The following FGFR1 variants were observed in gnomAD, a reference collection of about 807,000 sequenced individuals.
FGFR1 encodes the protein fibroblast growth factor receptor 1.
A neutral mutation model predicts 93.7 loss-of-function variants in FGFR1; 18 were observed. The ratio of observed to expected loss-of-function variants is 0.19; its 90% confidence interval spans 0.13 to 0.28. The LOEUF is 0.28. Ranked by LOEUF, FGFR1 falls within the 10% of genes least tolerant of loss-of-function variation. FGFR1 has a pLI of 1.00. For missense variants in FGFR1, 731 were observed against 1,080.4 expected (o/e 0.68, Z 4.53); for synonymous variants, 448 against 429.3 (o/e 1.04, Z -0.54).
intron 1 of FGFR1, among the ~76,000 whole-genome samples, chr8:38,463,672 T>C (rs1247663604): frequency 2.0e-5 from 3 of 152,156 alleles, no homozygotes; most frequent in Non-Finnish European, 2.9e-5. Flanking sequence ...AAAAAGAGGC[T>C]GAGAATATCA....
intron 2 of FGFR1, among the ~76,000 whole-genome samples, chr8:38,450,093 G>T (rs1830566313): frequency 6.6e-6 from 1 of 152,210 alleles, no homozygotes; most frequent in Non-Finnish European, 1.5e-5. Context: ...CTCCTAGGAG[G>T]AAACAGTTTG....
At chr8:38,466,891 C>A (rs1420479062) in intron 1 of FGFR1, among the ~76,000 whole-genome samples, 1 of 20,670 alleles carries the variant, frequency 4.8e-5, no homozygotes, top group Non-Finnish European at 1.3e-4. Context: ...AGGCTTCACA[C>A]CCCACCCCCC....
At chr8:38,420,897 G>C (rs1459516984) in intron 8 of FGFR1, among the ~76,000 whole-genome samples, 2 of 152,190 alleles carry the variant, frequency 1.3e-5, no homozygotes, top group South Asian at 2.1e-4. Flanking sequence ...CTGATGTTGA[G>C]GAACGAAGAC....
chr8:38,458,646 C>T (rs946101416), intron 1 of FGFR1, among the ~76,000 whole-genome samples: 2 of 152,144 alleles, frequency 1.3e-5, no homozygotes, highest in East Asian at 1.9e-4. Context: ...AAGCTAAGGA[C>T]CAGTAAATGG....
At chr8:38,447,044 G>A (rs1829513168) in intron 2 of FGFR1, among the ~76,000 whole-genome samples, 1 of 151,222 alleles carries the variant, frequency 6.6e-6, no homozygotes, top group Admixed American at 6.6e-5. Context: ...TCACAGACCT[G>A]TGACTGATGT....
intron 2 of FGFR1, among the ~76,000 whole-genome samples, chr8:38,456,763 G>A (rs1390809519): frequency 1.3e-5 from 2 of 152,110 alleles, no homozygotes; most frequent in Non-Finnish European, 2.9e-5. Context: ...TAGAGATGGG[G>A]TCTCGCTATA....
At chr8:38,459,920 A>C (rs1833947259) in intron 1 of FGFR1, among the ~76,000 whole-genome samples, 1 of 152,192 alleles carries the variant, frequency 6.6e-6, no homozygotes, top group Non-Finnish European at 1.5e-5. Context: ...ATGTTGGCTC[A>C]TACCTACAAT....
intron 2 of FGFR1, among the ~76,000 whole-genome samples, chr8:38,443,394 C>T (rs1828188627): frequency 6.6e-6 from 1 of 151,354 alleles, no homozygotes; most frequent in Admixed American, 6.6e-5. Context: ...CACAGTGGCT[C>T]ACATCTCTTA....
intron 2 of FGFR1, among the ~76,000 whole-genome samples, chr8:38,450,251 G>T (rs933152407): frequency 1.3e-5 from 2 of 152,180 alleles, no homozygotes; most frequent in Admixed American, 6.5e-5. Context: ...CAGGAGGAAG[G>T]CCTGGGCCGC....
intron 2 of FGFR1, among the ~76,000 whole-genome samples, chr8:38,444,385 G>A (rs921715127): frequency 9.4e-5 from 13 of 138,102 alleles, no homozygotes; most frequent in African/African-American, 3.4e-4. Flanking sequence ...AACATGGTTC[G>A]GGTTTTTTTT....
chr8:38,420,750 C>T lies in FGFR1; in HGVS notation c.1082-1015G>A, dbSNP rs192455146. ...AAAACCCACCAGCCAACCATGGAGG[C>T]GGCGCCCCTGGGAACCTTCCCAGAG... On this transcript the variant is annotated intron_variant, in intron 8 of 17. Transcript: ENST00000447712. Among the ~76,000 whole-genome samples, 146 of 152,264 alleles carry T rather than the reference C, an allele frequency of 9.6e-4. No individual in the cohort carries two copies. The Middle Eastern group carries it at 0.014, about 14-fold the overall frequency.
intron 2 of FGFR1, among the ~76,000 whole-genome samples, chr8:38,443,120 G>C (rs535035999): frequency 3.3e-5 from 5 of 152,198 alleles, no homozygotes; most frequent in Non-Finnish European, 5.9e-5. Context: ...AGTTAGCGTT[G>C]AACAGGTAAG....
At chr8:38,456,008 T>C (rs1303448367) in intron 2 of FGFR1, among the ~76,000 whole-genome samples, 1 of 152,186 alleles carries the variant, frequency 6.6e-6, no homozygotes, top group African/African-American at 2.4e-5. Flanking sequence ...GACAGCAACA[T>C]GAATATGCCT....
Position 38,413,267 on chromosome 8 carries a change from C to A in FGFR1, c.*361G>T. The stretch of plus-strand genomic sequence containing the variant: ...GCTTATGGGTGAAGGCAAAACAGAC[C>A]AAACCGACAGGAGAAAGCTCAGGAA... On this transcript the variant is annotated 3_prime_UTR_variant, in exon 18 of 18. Transcript: ENST00000447712. This position sits in a 1 kb window ranked among gnomAD's most constrained non-coding sequence, Gnocchi z 4.2. The A allele has an allele frequency of 2.7e-6, 1 of 370,436 alleles. No individual in the cohort carries two copies. The highest frequency in any genetic ancestry group is 4.9e-6 in the Non-Finnish European group (1 of 202,470). The allele number at this position is 370,436 out of a possible 1,614,324, so 22.9% of individuals were successfully genotyped here.
At chr8:38,434,354 C>G (rs1824439960) in intron 2 of FGFR1, 1 of 237,140 alleles carries the variant, frequency 4.2e-6, no homozygotes, top group South Asian at 7.6e-5. Flanking sequence ...TTTATAACAA[C>G]CGCTAATCAG....
rs1252738104 is a variant in FGFR1 at position 38,426,592 on chromosome 8, T to C, written c.622-347A>G. On this transcript the variant is annotated intron_variant, in intron 5 of 17. Coordinates refer to ENST00000447712, the MANE Select transcript of FGFR1 (RefSeq NM_023110.3). This position sits in a 1 kb window ranked among gnomAD's most constrained non-coding sequence, Gnocchi z 4.1. ...CTAAGAATCCAGCCCCCACTGTCCTTGACAGCTCATTTCAAAAACCATCTC... is the reference window on the plus strand; with the variant it reads ...CTAAGAATCCAGCCCCCACTGTCCTCGACAGCTCATTTCAAAAACCATCTC... Among the ~76,000 whole-genome samples the C allele has an allele frequency of 6.6e-6, 1 of 152,222 alleles. No homozygotes were observed. Among genetic ancestry groups the C allele is most frequent in the African/African-American group, 2.4e-5 (1 of 41,466 alleles).
intron 1 of FGFR1, among the ~76,000 whole-genome samples, chr8:38,462,012 A>T (rs992429455): frequency 3.9e-5 from 6 of 152,212 alleles, no homozygotes; most frequent in South Asian, 2.1e-4. Flanking sequence ...TGGCCCACAC[A>T]GTGGCCACTG....
intron 2 of FGFR1, among the ~76,000 whole-genome samples, chr8:38,432,921 C>G (rs560238095): frequency 6.8e-6 from 1 of 146,214 alleles, no homozygotes; most frequent in Non-Finnish European, 1.5e-5. Flanking sequence ...CCCCCCCCTC[C>G]CCAGTTGGGA....
In FGFR1 at chr8:38,413,068, C is replaced by T. The variant is rs983159569; in HGVS notation, c.*560G>A. 8.4e-6 allele frequency: 2 copies of T among 238,292 alleles called. No homozygotes were observed. The highest frequency in any genetic ancestry group is 5.3e-5 in the Admixed American group (1 of 18,732). 14.8% of individuals were successfully genotyped at this position (238,292 alleles called of 1,614,324 possible). A position where few individuals can be genotyped will look rare whatever the true frequency, so the allele number is the denominator to read the frequency against. On this transcript the variant is annotated 3_prime_UTR_variant, in exon 18 of 18. Coordinates refer to ENST00000447712, the MANE Select transcript of FGFR1 (RefSeq NM_023110.3). The surrounding 1 kb of genome is among the most constrained non-coding windows in gnomAD (Gnocchi z 4.2). Reference sequence around the variant, plus strand: ...ACACTGCCCCCAACCTGGCCTTCGCCTCACCATCCTCTGGTACCAGGCATT... The same window carrying T: ...ACACTGCCCCCAACCTGGCCTTCGCTTCACCATCCTCTGGTACCAGGCATT...
Sources: gnomAD v4.1 joint callset for allele counts (sites outside exome capture counted in the v4.1 genomes callset) on GRCh38, gnomAD v4.1.1 for gene constraint, Gnocchi (gnomAD v3.1) non-coding constraint, MANE v1.5 for transcripts, NCBI Gene and HGNC (gene_info 2026-07-23, HGNC 2026-07-21) for gene names.